STXBP5: variants seen among roughly 807,000 people sequenced by gnomAD.
STXBP5 encodes the protein syntaxin binding protein 5, also known as syntaxin-binding protein 5.
Under a neutral mutation model 152.4 loss-of-function variants are expected in STXBP5, and 50 were observed. The ratio of observed to expected loss-of-function variants is 0.33; its 90% CI spans 0.26 to 0.42. The LOEUF is 0.42. STXBP5 is among the 10% of genes least tolerant of loss of function. STXBP5 has a pLI of 1.00. For missense variants in STXBP5, 1,167 were observed against 1,388.6 expected (o/e 0.84, Z 2.54); for synonymous variants, 492 against 494.7 (o/e 0.99, Z 0.07).
intron 2 of STXBP5, among the ~76,000 whole-genome samples, chr6:147,214,516 A>G (rs1385571959): frequency 1.3e-5 from 2 of 152,196 alleles, no homozygotes; most frequent in African/African-American, 4.8e-5. Flanking sequence ...TAAGTCTAGA[A>G]TAAACTTTTC....
intron 2 of STXBP5, among the ~76,000 whole-genome samples, chr6:147,216,249 G>A (rs188465796): frequency 1.4e-4 from 22 of 152,152 alleles, no homozygotes; most frequent in East Asian, 7.8e-4. Flanking sequence ...AAAATTTGCC[G>A]AGCGTGGTGG....
At chr6:147,381,939 C>G (rs150398558) in intron 26 of STXBP5, among the ~76,000 whole-genome samples, 1 of 152,184 alleles carries the variant, frequency 6.6e-6, no homozygotes, top group Non-Finnish European at 1.5e-5. Flanking sequence ...ATGAGATGCT[C>G]TGGTATTCAT....
chr6:147,328,457 G>A (rs946993464), intron 18 of STXBP5, among the ~76,000 whole-genome samples: 4 of 152,126 alleles, frequency 2.6e-5, no homozygotes, highest in Admixed American at 6.6e-5. Context: ...AGTTGTGTTC[G>A]GTACATTATT....
chr6:147,383,031 G>T (rs759455726), intron 27 of STXBP5, 33 bp downstream of exon 27: 2 of 1,606,890 alleles, frequency 1.2e-6, no homozygotes, highest in East Asian at 4.5e-5. Flanking sequence ...TGAACAAAAA[G>T]CTCTAGGTAA....
intron 21 of STXBP5, 39 bp from the exon 22 acceptor site, chr6:147,353,284 A>G (rs764099633): frequency 2.2e-6 from 3 of 1,391,616 alleles, no homozygotes; most frequent in East Asian, 4.9e-5. Flanking sequence ...TATGAATCAA[A>G]TATTCTTCAG....
At chr6:147,351,031 A>G (rs1214608634) in intron 21 of STXBP5, among the ~76,000 whole-genome samples, 1 of 152,200 alleles carries the variant, frequency 6.6e-6, no homozygotes, top group Non-Finnish European at 1.5e-5. Context: ...AGGCTTGTTC[A>G]CAAAATGTTT....
chr6:147,332,036 G>A (rs79830655), intron 18 of STXBP5, among the ~76,000 whole-genome samples: 1,665 of 152,318 alleles, frequency 0.011, 40 homozygotes, highest in African/African-American at 0.038. Flanking sequence ...TTCAGTAAAT[G>A]TCACTTAAGA....
chr6:147,310,300 G>C, intron 10 of STXBP5, 62 bp downstream of exon 10: 1 of 731,092 alleles, frequency 1.4e-6, no homozygotes, highest in Non-Finnish European at 1.9e-6. Context: ...AAAAAAAAAA[G>C]ACCTAGGTTG....
chr6:147,222,398 T>G (rs114754880), intron 2 of STXBP5, among the ~76,000 whole-genome samples: 179 of 152,258 alleles, frequency 1.2e-3, no homozygotes, highest in African/African-American at 4.2e-3. Flanking sequence ...GGAAGTGTGC[T>G]ATAGTCCTGT....
intron 26 of STXBP5, among the ~76,000 whole-genome samples, chr6:147,379,600 G>T (rs1158935053): frequency 6.6e-6 from 1 of 152,054 alleles, no homozygotes; most frequent in Non-Finnish European, 1.5e-5. Flanking sequence ...TATTCAAAGA[G>T]CTCTTACCAC....
At chr6:147,296,503 C>T (rs1781533422) in intron 9 of STXBP5, among the ~76,000 whole-genome samples, 1 of 152,028 alleles carries the variant, frequency 6.6e-6, no homozygotes, top group South Asian at 2.1e-4. Context: ...TAAAAAGCTA[C>T]TCCATAAAAT....
chr6:147,270,195 G>T, intron 7 of STXBP5, among the ~76,000 whole-genome samples: 1 of 151,876 alleles, frequency 6.6e-6, no homozygotes, highest in Non-Finnish European at 1.5e-5. Flanking sequence ...TCAGGAGATC[G>T]AGACCATCCT....
At chr6:147,280,431 C>G (rs1780648489) in intron 8 of STXBP5, among the ~76,000 whole-genome samples, 1 of 152,122 alleles carries the variant, frequency 6.6e-6, no homozygotes. Flanking sequence ...CTGTCTTCTG[C>G]TAGTTCTCTC....
intron 9 of STXBP5, among the ~76,000 whole-genome samples, chr6:147,304,444 A>T (rs1224446813): frequency 6.6e-6 from 1 of 152,198 alleles, no homozygotes; most frequent in African/African-American, 2.4e-5. Context: ...TCCAGGCAGA[A>T]GTTTGCTGCA....
At position 147,386,378 on chromosome 6, in the gene STXBP5, TAC is replaced by T. The variant is rs901796617; in HGVS notation, c.*1625_*1626del. ...TATGTAGGACATCTTAACTTTTTCA[TAC>T]AGTCTGTTATGCATATTTTCCTCTA... is the stretch of plus-strand genomic sequence containing the variant. On this transcript the variant is annotated 3_prime_UTR_variant, in exon 28 of 28. Transcript: ENST00000321680. 4 of 151,918 alleles carry T rather than the reference TAC, an allele frequency of 2.6e-5. No homozygotes were observed. Among genetic ancestry groups the T allele is most frequent in the South Asian group, 2.1e-4 (1 of 4,830 alleles). 9.4% of individuals were successfully genotyped at this position (151,918 alleles called of 1,614,324 possible). A position where few individuals can be genotyped will look rare whatever the true frequency, so the allele number is the denominator to read the frequency against.
chr6:147,282,005 C>T (rs1015300535), intron 8 of STXBP5, among the ~76,000 whole-genome samples: 1 of 152,148 alleles, frequency 6.6e-6, no homozygotes, highest in African/African-American at 2.4e-5. Flanking sequence ...ACTCATTCTA[C>T]AAATATTTAT....
chr6:147,367,234 T>C (rs931109331), intron 25 of STXBP5, among the ~76,000 whole-genome samples: 4 of 152,172 alleles, frequency 2.6e-5, no homozygotes, highest in African/African-American at 9.7e-5. Context: ...CTTGAAAGTA[T>C]AGCAACAGAA....
chr6:147,343,097 C>T (rs1173377564), intron 21 of STXBP5, among the ~76,000 whole-genome samples: 1 of 151,858 alleles, frequency 6.6e-6, no homozygotes, highest in Non-Finnish European at 1.5e-5. Context: ...AGTGCTTTGC[C>T]GAAAACAAGT....
chr6:147,216,573 C>CT (rs1777179352), intron 2 of STXBP5, among the ~76,000 whole-genome samples: 1 of 152,002 alleles, frequency 6.6e-6, no homozygotes, highest in Admixed American at 6.6e-5. Context: ...GCCCACTGAC[C>CT]ACTCTTTGCA....
Sources: allele counts gnomAD v4.1 joint callset (sites outside exome capture counted in the v4.1 genomes callset), GRCh38; gene constraint gnomAD v4.1.1; transcripts MANE v1.5; gene names NCBI Gene and HGNC (gene_info 2026-07-23, HGNC 2026-07-21).